The following TAB1 variants were observed in gnomAD, a reference collection of about 807,000 sequenced individuals.
TAB1 encodes TGF-beta-activated kinase 1 and MAP3K7-binding protein 1.
Under a neutral mutation model 54.5 loss-of-function variants are expected in TAB1, and 30 were observed. The ratio of observed to expected loss-of-function variants is 0.55; its 90% CI spans 0.41 to 0.75. The LOEUF (loss-of-function observed/expected upper bound fraction) is 0.75, where lower values mean the gene tolerates loss of function less well. Among genes scored for constraint, TAB1 ranks in the 30% least tolerant of loss-of-function variants. The pLI is 0.00. For synonymous variants in TAB1, 289 were observed against 286.9 expected, an observed-to-expected ratio of 1.01 and a Z score of -0.07; for missense variants, 609 against 683.2, an observed-to-expected ratio of 0.89 and a Z score of 1.21.
chr22:39,419,190 C>A, intron 6 of TAB1, among the ~76,000 whole-genome samples: 1 of 152,228 alleles, frequency 6.6e-6, no homozygotes, highest in South Asian at 2.1e-4. Flanking sequence ...GTCCAGGGAG[C>A]CCAGCTGCTG....
intron 1 of TAB1, among the ~76,000 whole-genome samples, chr22:39,403,510 G>A (rs1343131704): frequency 6.6e-6 from 1 of 152,160 alleles, no homozygotes; most frequent in African/African-American, 2.4e-5. Context: ...GGGAGCCGGG[G>A]GCCATGCTGG....
chr22:39,436,417 A>G (rs922109150), downstream of TAB1: 10 of 1,328,272 alleles, frequency 7.5e-6, no homozygotes, highest in African/African-American at 7.2e-5. Flanking sequence ...AAGTTGCCCA[A>G]GATCACACAG....
intron 3 of TAB1, among the ~76,000 whole-genome samples, chr22:39,416,304 T>C (rs35888710): frequency 2.6e-4 from 39 of 152,214 alleles, no homozygotes; most frequent in Non-Finnish European, 4.1e-4. Context: ...CTGGGGCTGG[T>C]GGGGTTTGAC....
intron 1 of TAB1, among the ~76,000 whole-genome samples, chr22:39,412,528 T>C (rs992039106): frequency 1.3e-5 from 2 of 152,070 alleles, no homozygotes; most frequent in Non-Finnish European, 2.9e-5. Flanking sequence ...TCCATGTTAA[T>C]GTAAAAATAA....
chr22:39,429,856 C>G, intron 10 of TAB1, 159 bp from the exon 11 acceptor site: 2 of 985,440 alleles, frequency 2.0e-6, no homozygotes, highest in Non-Finnish European at 2.4e-6. Context: ...TTTATCTGTT[C>G]CTAAGATCAT....
chr22:39,414,686 C>T (rs1926746573), intron 1 of TAB1: 1 of 294,312 alleles, frequency 3.4e-6, no homozygotes, highest in Non-Finnish European at 6.5e-6. Context: ...CCCAGAGTTT[C>T]CTGCCAAGAG....
chr22:39,419,866 C>T (rs974517764), intron 7 of TAB1, among the ~76,000 whole-genome samples: 4 of 151,856 alleles, frequency 2.6e-5, no homozygotes, highest in Non-Finnish European at 5.9e-5. Context: ...CAAAGTAGTT[C>T]AGAGCCCAGG....
intron 5 of TAB1, among the ~76,000 whole-genome samples, chr22:39,418,208 A>G (rs999808842): frequency 6.6e-6 from 1 of 152,212 alleles, no homozygotes; most frequent in Non-Finnish European, 1.5e-5. Flanking sequence ...GCTAGGTGAC[A>G]GGGACATTGG....
rs1927534095 is a variant in TAB1, at chr22:39,430,357, C to T, written c.*135C>T. ...GCCCACAGCAGACTCTGTCCCATGG[C>T]TCTCCGGGCAGTAGAGTGTGTGAGT... On this transcript the variant is annotated 3_prime_UTR_variant, in exon 11 of 11. Transcript: ENST00000216160. 2.6e-5 allele frequency: 39 copies of T among 1,495,580 alleles called. No individual in the cohort carries two copies. The South Asian group carries it at 3.4e-4, about 13-fold the overall frequency. 92.6% of individuals were successfully genotyped at this position (1,495,580 alleles called of 1,614,324 possible).
intron 10 of TAB1, chr22:39,429,459 C>T (rs536006528): frequency 1.4e-6 from 1 of 701,530 alleles, no homozygotes; most frequent in Middle Eastern, 7.0e-4. Flanking sequence ...CTATTAGACG[C>T]TTGAACTGAG....
intron 8 of TAB1, among the ~76,000 whole-genome samples, chr22:39,423,910 GTA>G (rs1186570686): frequency 6.6e-6 from 1 of 152,000 alleles, no homozygotes; most frequent in South Asian, 2.1e-4. Flanking sequence ...TGTAACTAAT[GTA>G]TAGTGTTTTA....
chr22:39,422,628 A>G (rs1331944396), intron 8 of TAB1, among the ~76,000 whole-genome samples: 1 of 151,486 alleles, frequency 6.6e-6, no homozygotes, highest in Non-Finnish European at 1.5e-5. Context: ...CCAACTCCTG[A>G]CCTTGTGATC....
rs1927573952 is a variant in TAB1, at chr22:39,431,287, G to A, written c.*1065G>A. 5 of 985,542 alleles carry A rather than the reference G, an allele frequency of 5.1e-6. No individual in the cohort carries two copies. Among genetic ancestry groups the A allele is most frequent in the Non-Finnish European group, 6.0e-6 (5 of 830,118 alleles). 61.0% of individuals were successfully genotyped at this position (985,542 alleles called of 1,614,324 possible). A position where few individuals can be genotyped will look rare whatever the true frequency, so the allele number is the denominator to read the frequency against. On this transcript the variant is annotated 3_prime_UTR_variant, in exon 11 of 11. Coordinates refer to ENST00000216160, the MANE Select transcript of TAB1 (RefSeq NM_006116.3). The stretch of plus-strand genomic sequence containing the variant: ...TTCCCACATGTTCTCTGCCTTCAGT[G>A]GGGAGGGGGTGCCACCAGGGCTGTC...
rs760326813 is a variant in TAB1 at position 39,426,700 on chromosome 22, C to A, written c.922-3C>A. Reference sequence around the variant, plus strand: ...ACCAGGTTCTTCCTACCCCCTCCCCCAGGAGATTGCTGCGATGATTGACAC... The same window carrying A: ...ACCAGGTTCTTCCTACCCCCTCCCCAAGGAGATTGCTGCGATGATTGACAC... On this transcript the variant is annotated splice_region_variant and splice_polypyrimidine_tract_variant and intron_variant, in intron 8 of 10. Coordinates refer to ENST00000216160, the MANE Select transcript of TAB1 (RefSeq NM_006116.3). 2.5e-6 allele frequency: 4 copies of A among 1,595,522 alleles called. No homozygotes were observed. The highest frequency in any genetic ancestry group is 2.6e-6 in the Non-Finnish European group (3 of 1,165,556).
chr22:39,405,586 G>A (rs1010791812), intron 1 of TAB1, among the ~76,000 whole-genome samples: 14 of 152,162 alleles, frequency 9.2e-5, no homozygotes, highest in African/African-American at 2.9e-4. Context: ...ATTTGGGGGC[G>A]TGGGAGAAAG....
Position 39,416,841 on chromosome 22 carries a change from G to A in TAB1, c.375G>A (p.Leu125=). ...TCCTGGAGTCCATTGACGACGCCTT[G>A]GCTGAGAAGGCAAGCCTCCAGTCGC... ...RSFLESIDDA[L]AEKASLQSQL... is the part of the protein sequence containing the mutation. Residue 125 remains leucine (L), a synonymous_variant, in exon 4 of 11, where the codon TTG becomes TTA. Coordinates refer to ENST00000216160, the MANE Select transcript of TAB1 (RefSeq NM_006116.3). 1 of 1,614,224 alleles carries A rather than the reference G, an allele frequency of 6.2e-7. No individual in the cohort carries two copies. Among genetic ancestry groups the A allele is most frequent in the Non-Finnish European group, 8.5e-7 (1 of 1,180,046 alleles).
chr22:39,428,041 CCT>C lies in TAB1; in HGVS notation c.1166_1167del (p.Pro389ArgfsTer69). ...CAAAGCTGCAGGAGGACGAGTGTAC[CCT>C]GTGTCTGTGCCATACTCCAGCGCCC... ...PAPAAGGRVY[P>X]VSVPYSSAQS... On this transcript the variant is annotated frameshift_variant, in exon 10 of 11. Transcript: ENST00000216160. LOFTEE classifies it high-confidence loss of function. The C allele has an allele frequency of 6.2e-7, 1 of 1,609,698 alleles. No homozygotes were observed. Among genetic ancestry groups the C allele is most frequent in the Non-Finnish European group, 8.5e-7 (1 of 1,176,698 alleles).
At chr22:39,436,344 G>A, downstream of TAB1, 1 of 650,308 alleles carries the variant, frequency 1.5e-6, no homozygotes, top group Non-Finnish European at 2.7e-6. Flanking sequence ...GTATGTAGCT[G>A]ACGTGTAATA....
chr22:39,413,456 G>T (rs1211917209), intron 1 of TAB1, among the ~76,000 whole-genome samples: 1 of 150,228 alleles, frequency 6.7e-6, no homozygotes, highest in African/African-American at 2.5e-5. Flanking sequence ...CACTCTTGTC[G>T]CCCAGGCTAG....
Sources: allele counts gnomAD v4.1 joint callset (sites outside exome capture counted in the v4.1 genomes callset), GRCh38; gene constraint gnomAD v4.1.1; transcripts MANE v1.5; gene names NCBI Gene and HGNC (gene_info 2026-07-23, HGNC 2026-07-21).